Variants in NLRC5 observed in about 807,000 individuals in gnomAD.
NLRC5 encodes protein NLRC5.
NLRC5 carries 114 observed loss-of-function variants against 206.9 expected under a neutral mutation model. The ratio of observed to expected loss-of-function variants is 0.55; its 90% CI spans 0.47 to 0.64. NLRC5 has a LOEUF of 0.64. Among genes scored for constraint, NLRC5 ranks in the 30% least tolerant of loss-of-function variants. NLRC5 has a pLI of 0.00. For synonymous variants in NLRC5, 952 were observed against 962.8 expected, an observed-to-expected ratio of 0.99 and a Z score of 0.21; for missense variants, 2,008 against 2,305.5, an observed-to-expected ratio of 0.87 and a Z score of 2.64.
chr16:57,070,649 A>T, intron 38 of NLRC5, 31 bp downstream of exon 38: 1 of 1,565,726 alleles, frequency 6.4e-7, no homozygotes, highest in Non-Finnish European at 8.7e-7. Flanking sequence ...TGGGTGAGTG[A>T]GTGGTGGGGG....
intron 22 of NLRC5, 50 bp downstream of exon 22, chr16:57,046,691 C>A: frequency 6.8e-7 from 1 of 1,475,810 alleles, no homozygotes; most frequent in Non-Finnish European, 9.4e-7. Flanking sequence ...AGGGATGAGG[C>A]GTCAGAGGGG....
intron 27 of NLRC5, among the ~76,000 whole-genome samples, chr16:57,057,828 G>A (rs1186814914): frequency 1.3e-5 from 2 of 152,126 alleles, no homozygotes; most frequent in African/African-American, 4.8e-5. Context: ...GCTTGGTGGT[G>A]TAGAATTGTG....
rs758810147 is a variant in NLRC5, at chr16:57,081,536, G to A, written c.5415G>A (p.Lys1805=). Residue 1805 remains lysine (K), a synonymous_variant, in exon 48 of 49, where the codon AAG becomes AAA. Transcript: ENST00000688547. ...MGRLKRVDLE[K]NQITALGAWL... Reference sequence around the variant, plus strand: ...ACTGTCCACTGAGAAGCCTGGAGAAGAATCAGATCACAGCTTTGGGGGCCT... The same window carrying A: ...ACTGTCCACTGAGAAGCCTGGAGAAAAATCAGATCACAGCTTTGGGGGCCT... The A allele has an allele frequency of 2.7e-5, 44 of 1,614,068 alleles. No homozygotes were observed. The highest frequency in any genetic ancestry group is 3.6e-5 in the Non-Finnish European group (43 of 1,179,968).
chr16:57,024,949 A>G (rs1406843016), intron 5 of NLRC5, among the ~76,000 whole-genome samples: 15 of 152,162 alleles, frequency 9.9e-5, no homozygotes, highest in Non-Finnish European at 1.3e-4. Flanking sequence ...GTTTGCGGCT[A>G]CAGTAAGCTA....
rs555718273 is a variant in NLRC5, at chr16:57,044,911, A to G, written c.3204-537A>G. Among the ~76,000 whole-genome samples, 180 of 149,710 alleles carry G rather than the reference A, an allele frequency of 1.2e-3. 1 individual carries two copies. Among genetic ancestry groups the G allele is most frequent in the African/African-American group, 4.4e-3 (178 of 40,502 alleles). On this transcript the variant is annotated intron_variant, in intron 20 of 48. Coordinates refer to ENST00000688547, the MANE Select transcript of NLRC5 (RefSeq NM_001384950.1). ...GGCAACAGAGCAAGACTCTGTCTCA[A>G]AGAAAAAAAAATGTCAGGCACAATG...
Position 57,043,755 on chromosome 16 carries a change from G to A in NLRC5, c.3203+151G>A, listed in dbSNP as rs139668094. On this transcript the variant is annotated intron_variant, in intron 20 of 48. Coordinates refer to ENST00000688547, the MANE Select transcript of NLRC5 (RefSeq NM_001384950.1). The stretch of plus-strand genomic sequence containing the variant: ...CAGATCTGCAGAGCATGTGATGGGC[G>A]TCCACTGAATGAATGAATGATCAAA... 1,149 of 678,196 alleles carry A rather than the reference G, an allele frequency of 1.7e-3. 6 individuals are homozygous for A. The highest frequency in any genetic ancestry group is 0.012 in the African/African-American group (695 of 56,876). The allele number at this position is 678,196 out of a possible 1,614,324, so 42.0% of individuals were successfully genotyped here. A position where few individuals can be genotyped will look rare whatever the true frequency, so the allele number is the denominator to read the frequency against.
rs1252472207 is a variant in NLRC5 at position 57,081,170 on chromosome 16, G to A, written c.5394G>A (p.Leu1798=). The A allele has an allele frequency of 1.9e-6, 3 of 1,541,544 alleles. No individual in the cohort carries two copies. Among genetic ancestry groups the A allele is most frequent in the Non-Finnish European group, 2.6e-6 (3 of 1,147,352 alleles). Residue 1798 remains leucine, a synonymous_variant, in exon 47 of 49, where the codon CTG becomes CTA. Coordinates refer to ENST00000688547, the MANE Select transcript of NLRC5 (RefSeq NM_001384950.1). The stretch of plus-strand genomic sequence containing the variant: ...AGGTGCTGCCGCAGATGGGCCGGCT[G>A]AAGAGAGTGGAGTATGAGGGGCCGG... ...LAQVLPQMGR[L]KRVDLEKNQI...
chr16:57,018,619 C>A (rs1431128995), intron 2 of NLRC5, among the ~76,000 whole-genome samples: 12 of 152,182 alleles, frequency 7.9e-5, no homozygotes, highest in African/African-American at 2.7e-4. Context: ...CCCCAGGACG[C>A]ATAGTACTGG....
rs756872100 is a variant in NLRC5 at position 57,022,281 on chromosome 16, G to A, written c.321G>A (p.Glu107=). 61 of 1,612,070 alleles carry A rather than the reference G, an allele frequency of 3.8e-5. No homozygotes were observed. In the Admixed American group the frequency reaches 1.0e-3, roughly 27 times the overall value. ...DDGFTSQLGA[E]GKSQPESQLH... is the part of the protein sequence containing the mutation. ...GGTTCACCAGCCAGCTGGGAGCTGA[G>A]GGGAAAAGCCAACCTGAATCTCAGC... is the stretch of plus-strand genomic sequence containing the variant. The change falls in exon 4 of 49, where the codon GAG becomes GAA. Residue 107 remains glutamate, a synonymous_variant. Coordinates refer to ENST00000688547, the MANE Select transcript of NLRC5 (RefSeq NM_001384950.1).
At position 57,025,707 on chromosome 16, in the gene NLRC5, C is replaced by T; in HGVS notation, c.764C>T (p.Ala255Val). The T allele has an allele frequency of 1.2e-6, 2 of 1,614,212 alleles. No individual in the cohort carries two copies. Among genetic ancestry groups the T allele is most frequent in the Non-Finnish European group, 1.7e-6 (2 of 1,180,024 alleles). Residue 255 changes from alanine (A) to valine (V), a missense_variant, in exon 6 of 49, where the codon GCC (alanine) becomes GTC (valine). Coordinates refer to ENST00000688547, the MANE Select transcript of NLRC5 (RefSeq NM_001384950.1). ...GAGGGCCATCTGAACTGTTTCCAGGCCCTGTTCCTTTTTGAATTCCGCCAG... is the reference window on the plus strand; with the variant it reads ...GAGGGCCATCTGAACTGTTTCCAGGTCCTGTTCCTTTTTGAATTCCGCCAG... ...WAEGHLNCFQALFLFEFRQLN... is the reference protein window; with the variant it reads ...WAEGHLNCFQVLFLFEFRQLN...
intron 2 of NLRC5, among the ~76,000 whole-genome samples, chr16:57,017,525 G>A (rs1361028877): frequency 1.3e-5 from 2 of 152,186 alleles, no homozygotes; most frequent in Non-Finnish European, 2.9e-5. Flanking sequence ...AAGTCCCAGT[G>A]ACTCATGGCA....
rs1353104697 is a variant in NLRC5, at chr16:57,020,946, G to A, written c.234G>A (p.Met78Ile). 6.2e-7 allele frequency: 1 copy of A among 1,614,066 alleles called. No homozygotes were observed. Among genetic ancestry groups the A allele is most frequent in the Non-Finnish European group, 8.5e-7 (1 of 1,180,004 alleles). The change falls in exon 3 of 49, where the codon ATG becomes ATA. Residue 78 changes from methionine (M) to isoleucine (I), a missense_variant. Transcript: ENST00000688547. ...AGTCTTTCATTCATTGTGTGTGCATGCAGCTGGAGGTGCCTCTGGACCTGG... is the reference window on the plus strand; with the variant it reads ...AGTCTTTCATTCATTGTGTGTGCATACAGCTGGAGGTGCCTCTGGACCTGG... The part of the protein sequence containing the change: ...TWQSFIHCVC[M>I]QLEVPLDLEV...
intron 1 of NLRC5, among the ~76,000 whole-genome samples, chr16:57,012,422 G>A (rs990251029): frequency 3.3e-5 from 5 of 152,310 alleles, no homozygotes; most frequent in Non-Finnish European, 5.9e-5. Flanking sequence ...TACATTCTAA[G>A]GCAGGGGTCC....
chr16:57,026,413 T>G lies in NLRC5; in HGVS notation c.1470T>G (p.Thr490=). The change falls in exon 6 of 49, where the codon ACT becomes ACG. Residue 490 remains threonine (T), a synonymous_variant. Transcript: ENST00000688547. ...CACCCTTGATAGCTTTTGGGGCCAC[T>G]CACAGCCTGCTGACTTCCTTCTGCG... is the stretch of plus-strand genomic sequence containing the variant. ...IAPPLIAFGA[T]HSLLTSFCVC... The G allele has an allele frequency of 6.2e-7, 1 of 1,614,138 alleles. No homozygotes were observed. The highest frequency in any genetic ancestry group is 1.6e-4 in the Middle Eastern group (1 of 6,062).
intron 2 of NLRC5, among the ~76,000 whole-genome samples, chr16:57,019,876 T>A (rs779505691): frequency 6.6e-6 from 1 of 152,156 alleles, no homozygotes; most frequent in African/African-American, 2.4e-5. Flanking sequence ...TGCCATGAGG[T>A]TAGCTCAGAC....
intron 23 of NLRC5, among the ~76,000 whole-genome samples, chr16:57,049,691 G>A (rs867435797): frequency 7.3e-5 from 11 of 151,490 alleles, no homozygotes; most frequent in Admixed American, 1.3e-4. Context: ...CCAAGACTGC[G>A]CCACTGTCCT....
chr16:57,060,863 G>A (rs56969119), intron 30 of NLRC5, among the ~76,000 whole-genome samples: 10,014 of 152,228 alleles, frequency 0.066, 430 homozygotes, highest in East Asian at 0.13. Flanking sequence ...GAACTGCCCC[G>A]AGGTTCACTG....
At chr16:57,070,825 T>G (rs1597438334) in intron 38 of NLRC5, among the ~76,000 whole-genome samples, 2 of 135,648 alleles carry the variant, frequency 1.5e-5, no homozygotes, top group East Asian at 2.2e-4. Context: ...GGGAATGGGG[T>G]GAGTGAGTGG....
chr16:56,994,061 G>A (rs146374455), intron 1 of NLRC5, among the ~76,000 whole-genome samples: 55 of 151,932 alleles, frequency 3.6e-4, no homozygotes, highest in African/African-American at 1.2e-3. Context: ...AAAATACTTC[G>A]ATAGGATTTG....
Sources: gnomAD v4.1 joint callset for allele counts (sites outside exome capture counted in the v4.1 genomes callset) on GRCh38, gnomAD v4.1.1 for gene constraint, MANE v1.5 for transcripts, NCBI Gene and HGNC (gene_info 2026-07-23, HGNC 2026-07-21) for gene names.